Variants in CCDC178 observed in about 807,000 individuals in gnomAD.
CCDC178 encodes the protein coiled-coil domain-containing protein 178.
A neutral mutation model predicts 117.4 loss-of-function variants in CCDC178; 126 were observed. That is an observed-to-expected ratio of 1.07 (90% confidence interval 0.93 to 1.24). The LOEUF (loss-of-function observed/expected upper bound fraction) is 1.24. Among genes scored for constraint, CCDC178 ranks in the 50% most tolerant of loss-of-function variants. The pLI is 0.00. For missense variants in CCDC178, 1,030 were observed against 986.9 expected, an observed-to-expected ratio of 1.04 and a Z score of -0.59; for synonymous variants, 283 against 313.4, an observed-to-expected ratio of 0.90 and a Z score of 1.02.
In CCDC178 at chr18:33,438,584, G is replaced by A. The variant is rs528596625; in HGVS notation, c.-23+1378C>T. 3.8e-4 allele frequency among the ~76,000 whole-genome samples: 57 copies of A among 151,632 alleles called. 2 individuals carry two copies. Among genetic ancestry groups the A allele is most frequent in the South Asian group, 3.1e-3 (15 of 4,798 alleles). ...CACACACAATTTGTGTTATTGTGCA[G>A]AAAACAGACATGAAGTTACCATGGC... On this transcript the variant is annotated intron_variant, in intron 2 of 22. Transcript: ENST00000383096.
At chr18:33,398,102 T>G (rs1266274332) in intron 3 of CCDC178, among the ~76,000 whole-genome samples, 1 of 152,040 alleles carries the variant, frequency 6.6e-6, no homozygotes, top group East Asian at 1.9e-4. Context: ...AATCTAAAAA[T>G]TATGGCAAAT....
At chr18:33,180,599 T>C (rs559047587) in intron 20 of CCDC178, among the ~76,000 whole-genome samples, 7 of 152,156 alleles carry the variant, frequency 4.6e-5, no homozygotes, top group Non-Finnish European at 1.0e-4. Context: ...CAGTGTCACA[T>C]ATTTTAATCT....
Position 32,966,700 on chromosome 18 carries a change from C to T in CCDC178, c.2523+7847G>A, listed in dbSNP as rs575265810. ...TTGAGCTTCACACACAAATTTTGTT[C>T]GGATTTTGAGTATGATTGTATTGAA... is the stretch of plus-strand genomic sequence containing the variant. On this transcript the variant is annotated intron_variant, in intron 22 of 22. Coordinates refer to ENST00000383096, the MANE Select transcript of CCDC178 (RefSeq NM_001105528.4). Among the ~76,000 whole-genome samples the T allele has an allele frequency of 5.9e-5, 9 of 151,688 alleles. No individual in the cohort carries two copies. The South Asian group carries it at 1.0e-3, about 17-fold the overall frequency.
chr18:33,251,132 C>CA lies in CCDC178; in HGVS notation c.1410-5705dup, dbSNP rs1041028772. ...GTGTTTATTTTTTAAAGTTTTGCTA[C>CA]AAAAAAAATAGAAAGAGATGAGTTA... is the stretch of plus-strand genomic sequence containing the variant. On this transcript the variant is annotated intron_variant, in intron 14 of 22. Coordinates refer to ENST00000383096, the MANE Select transcript of CCDC178 (RefSeq NM_001105528.4). Among the ~76,000 whole-genome samples, 17 of 150,666 alleles carry CA rather than the reference C, an allele frequency of 1.1e-4. No homozygotes were observed. In the South Asian group the frequency reaches 1.3e-3, roughly 11 times the overall value.
intron 21 of CCDC178, among the ~76,000 whole-genome samples, chr18:33,003,678 G>T (rs1260643546): frequency 6.6e-6 from 1 of 152,060 alleles, no homozygotes; most frequent in Non-Finnish European, 1.5e-5. Flanking sequence ...GGAAGTTCTA[G>T]CTAGAGCAAT....
At chr18:33,247,043 A>C (rs1219770579) in intron 14 of CCDC178, among the ~76,000 whole-genome samples, 4 of 150,454 alleles carry the variant, frequency 2.7e-5, no homozygotes, top group Non-Finnish European at 5.9e-5. Context: ...TAGGAGAGAG[A>C]GGGGTGTATG....
chr18:33,220,095 T>G (rs2059212952), intron 18 of CCDC178, among the ~76,000 whole-genome samples: 1 of 151,868 alleles, frequency 6.6e-6, no homozygotes, highest in Admixed American at 6.6e-5. Context: ...CATACTAACT[T>G]GGGGGTAAAA....
At chr18:33,162,263 C>G (rs1465925308) in intron 20 of CCDC178, among the ~76,000 whole-genome samples, 1 of 152,112 alleles carries the variant, frequency 6.6e-6, no homozygotes, top group African/African-American at 2.4e-5. Flanking sequence ...AGCACACCAA[C>G]ACGGCACATG....
chr18:33,346,328 G>T lies in CCDC178; in HGVS notation c.541C>A (p.Arg181=). 6.2e-7 allele frequency: 1 copy of T among 1,613,056 alleles called. No homozygotes were observed. The highest frequency in any genetic ancestry group is 1.1e-5 in the South Asian group (1 of 91,042). ...IRLIKSLETD[R]ADAEEALKQQ... ...TTTAAAGCTTCTTCAGCGTCTGCCC[G>T]GTCAGTTTCTAGACTTTTAATGAGA... The change falls in exon 9 of 23, where the codon CGG becomes AGG. Residue 181 remains arginine (R), a synonymous_variant. Coordinates refer to ENST00000383096, the MANE Select transcript of CCDC178 (RefSeq NM_001105528.4).
intron 21 of CCDC178, among the ~76,000 whole-genome samples, chr18:33,039,092 A>C (rs2056498955): frequency 6.6e-6 from 1 of 152,068 alleles, no homozygotes; most frequent in Admixed American, 6.6e-5. Context: ...AAGGATGTTA[A>C]GAATGAACAA....
At chr18:33,032,472 G>C (rs1209820003) in intron 21 of CCDC178, among the ~76,000 whole-genome samples, 1 of 152,104 alleles carries the variant, frequency 6.6e-6, no homozygotes, top group Non-Finnish European at 1.5e-5. Flanking sequence ...GCGAATCTTA[G>C]AGCTATCTTA....
chr18:33,204,525 G>A (rs1347286023), intron 20 of CCDC178, among the ~76,000 whole-genome samples: 2 of 152,090 alleles, frequency 1.3e-5, no homozygotes, highest in African/African-American at 4.8e-5. Flanking sequence ...ATTCTCACTA[G>A]AAGTCTCGAA....
intron 10 of CCDC178, among the ~76,000 whole-genome samples, chr18:33,326,707 C>A (rs2062589238): frequency 6.6e-6 from 1 of 151,286 alleles, no homozygotes; most frequent in South Asian, 2.1e-4. Context: ...GGCTTCTAGT[C>A]ACCATCTTTG....
chr18:33,318,952 A>T (rs2062461452), intron 11 of CCDC178, among the ~76,000 whole-genome samples: 2 of 152,134 alleles, frequency 1.3e-5, no homozygotes, highest in Non-Finnish European at 2.9e-5. Flanking sequence ...TTTGAACAAA[A>T]ATTCTGAAAG....
intron 20 of CCDC178, among the ~76,000 whole-genome samples, chr18:33,179,082 T>A (rs868294123): frequency 0.058 from 2,773 of 47,868 alleles, 117 homozygotes; most frequent in African/African-American, 0.072. Context: ...AAAAAAAATA[T>A]ATATATATAT....
At chr18:33,265,867 C>T (rs1051325478) in intron 14 of CCDC178, among the ~76,000 whole-genome samples, 2 of 151,904 alleles carry the variant, frequency 1.3e-5, no homozygotes, top group Non-Finnish European at 2.9e-5. Context: ...CCAGACATGA[C>T]GATAGCTTGT....
intron 20 of CCDC178, among the ~76,000 whole-genome samples, chr18:33,185,965 G>A (rs1340303528): frequency 6.6e-6 from 1 of 151,670 alleles, no homozygotes; most frequent in African/African-American, 2.4e-5. Context: ...AACACCAACT[G>A]CAACAACAAA....
intron 3 of CCDC178, among the ~76,000 whole-genome samples, chr18:33,400,278 A>G (rs1055044069): frequency 3.3e-5 from 5 of 152,060 alleles, no homozygotes; most frequent in African/African-American, 1.2e-4. Flanking sequence ...AATGAGCATT[A>G]ACTTCAACAT....
At chr18:33,426,319 T>C (rs2064124662) in intron 2 of CCDC178, among the ~76,000 whole-genome samples, 1 of 152,244 alleles carries the variant, frequency 6.6e-6, no homozygotes, top group Non-Finnish European at 1.5e-5. Flanking sequence ...TTTATGTTTA[T>C]GTCACTGTGA....
Sources: gnomAD v4.1 joint callset for allele counts (sites outside exome capture counted in the v4.1 genomes callset) on GRCh38, gnomAD v4.1.1 for gene constraint, MANE v1.5 for transcripts, NCBI Gene and HGNC (gene_info 2026-07-23, HGNC 2026-07-21) for gene names.